OS9: variants seen among roughly 807,000 people sequenced by gnomAD.
OS9 encodes OS9 endoplasmic reticulum lectin, also known as protein OS-9.
OS9 carries 58 observed loss-of-function variants against 84.7 expected under a neutral mutation model. The ratio of observed to expected loss-of-function variants is 0.68; its 90% CI spans 0.55 to 0.85. The LOEUF (loss-of-function observed/expected upper bound fraction) is 0.85, where lower values mean the gene tolerates loss of function less well. OS9 is among the 40% of genes least tolerant of loss of function. OS9 has a pLI of 0.00. For synonymous variants in OS9, 278 were observed against 320.8 expected (o/e 0.87, Z 1.43); for missense variants, 760 against 850.9 (o/e 0.89, Z 1.33).
At chr12:57,700,950 A>AT (rs1260914823) in intron 5 of OS9, among the ~76,000 whole-genome samples, 2 of 152,204 alleles carry the variant, frequency 1.3e-5, no homozygotes, top group Non-Finnish European at 2.9e-5. Context: ...ATAGAGACCC[A>AT]TAAATTCACT....
At chr12:57,704,518 C>T (rs1405204228) in intron 5 of OS9, among the ~76,000 whole-genome samples, 2 of 149,656 alleles carry the variant, frequency 1.3e-5, no homozygotes, top group Non-Finnish European at 3.0e-5. Flanking sequence ...ACCTGGGTGA[C>T]AGAGCAAGAC....
Position 57,711,665 on chromosome 12 carries a change from C to T in OS9, c.580-4095C>T, listed in dbSNP as rs541921686. ...TGGCCCTTTTTTGTTTTTATAGCTG[C>T]ATAAAATTCCATTGTGTGTTCCATC... On this transcript the variant is annotated intron_variant, in intron 5 of 14. Transcript: ENST00000315970. 2.5e-4 allele frequency among the ~76,000 whole-genome samples: 38 copies of T among 152,302 alleles called. No homozygotes were observed. In the South Asian group the frequency reaches 7.9e-3, roughly 32 times the overall value.
At position 57,709,025 on chromosome 12, in the gene OS9, G is replaced by T. The variant is rs1259302651; in HGVS notation, c.580-6735G>T. The stretch of plus-strand genomic sequence containing the variant: ...GCATCAGAGAAAGAATGATTTCTTA[G>T]TGTGGTTTTAATTTGCATTTCTCTT... On this transcript the variant is annotated intron_variant, in intron 5 of 14. Coordinates refer to ENST00000315970, the MANE Select transcript of OS9 (RefSeq NM_006812.4). Among the ~76,000 whole-genome samples, 8 of 152,174 alleles carry T rather than the reference G, an allele frequency of 5.3e-5. No homozygotes were observed. The South Asian group carries it at 1.7e-3, about 32-fold the overall frequency.
chr12:57,697,908 AACACACACACACACATAC>A (rs1357823700), intron 5 of OS9, among the ~76,000 whole-genome samples: 21 of 75,238 alleles, frequency 2.8e-4, no homozygotes, highest in African/African-American at 9.9e-4. Flanking sequence ...AACATAAGCA[AACACACACACACACATAC>A]ACACACACAC....
intron 7 of OS9, 94 bp downstream of exon 7, chr12:57,716,287 G>GGGGGGGGGGGGGT: frequency 4.0e-6 from 3 of 745,064 alleles, no homozygotes; most frequent in South Asian, 1.5e-5. Flanking sequence ...GGTGGGGGGG[G>GGGGGGGGGGGGGT]GTGGAAAAGT....
intron 5 of OS9, among the ~76,000 whole-genome samples, chr12:57,704,012 C>T (rs1954097108): frequency 6.6e-6 from 1 of 152,128 alleles, no homozygotes; most frequent in South Asian, 2.1e-4. Context: ...TGTTTTTTTA[C>T]ATGAAAAGGT....
intron 1 of OS9, among the ~76,000 whole-genome samples, 196 bp from the exon 2 acceptor site, chr12:57,694,554 C>A (rs543423434): frequency 1.3e-5 from 2 of 152,094 alleles, no homozygotes; most frequent in Non-Finnish European, 2.9e-5. Flanking sequence ...AGTTTATGAT[C>A]GAAACACCCG....
At chr12:57,710,148 C>T (rs1484186402) in intron 5 of OS9, among the ~76,000 whole-genome samples, 1 of 152,204 alleles carries the variant, frequency 6.6e-6, no homozygotes, top group African/African-American at 2.4e-5. Context: ...CCACCCGCAC[C>T]TGGCTGTGGG....
intron 5 of OS9, among the ~76,000 whole-genome samples, chr12:57,703,297 C>A (rs1047009003): frequency 1.3e-5 from 2 of 151,900 alleles, no homozygotes; most frequent in Admixed American, 6.6e-5. Flanking sequence ...ATGGGGGTCT[C>A]GTTATGTTGC....
intron 5 of OS9, among the ~76,000 whole-genome samples, chr12:57,712,813 C>T (rs1032531176): frequency 6.6e-6 from 1 of 151,838 alleles, no homozygotes; most frequent in Non-Finnish European, 1.5e-5. Context: ...TCTCAGAGTG[C>T]ACGGTCTTGG....
At position 57,711,038 on chromosome 12, in the gene OS9, CAAAAAAA is replaced by C. The variant is rs35365273; in HGVS notation, c.580-4705_580-4699del. On this transcript the variant is annotated intron_variant, in intron 5 of 14. Coordinates refer to ENST00000315970, the MANE Select transcript of OS9 (RefSeq NM_006812.4). Reference sequence around the variant, plus strand: ...TGGGTGACTGAGCAAGACTCCGTCTCAAAAAAAAAAAAAAAAAAAAAAAGAGAAAAAT... The same window carrying C: ...TGGGTGACTGAGCAAGACTCCGTCTCAAAAAAAAAAAAAAAAGAGAAAAAT... Among the ~76,000 whole-genome samples, 5 of 71,916 alleles carry C rather than the reference CAAAAAAA, an allele frequency of 7.0e-5. No homozygotes were observed. The East Asian group carries it at 1.3e-3, about 19-fold the overall frequency. The allele number at this position is 71,916 out of a possible 152,430, so 47.2% of individuals were successfully genotyped here. A position where few individuals can be genotyped will look rare whatever the true frequency, so the allele number is the denominator to read the frequency against.
At chr12:57,701,422 C>T (rs949277325) in intron 5 of OS9, among the ~76,000 whole-genome samples, 10 of 151,696 alleles carry the variant, frequency 6.6e-5, no homozygotes, top group Non-Finnish European at 1.3e-4. Context: ...ACTATAGGTG[C>T]CCACCACCAC....
chr12:57,704,468 C>T (rs944741106), intron 5 of OS9, among the ~76,000 whole-genome samples: 2 of 151,756 alleles, frequency 1.3e-5, no homozygotes, highest in South Asian at 2.1e-4. Context: ...ACCTGGGAGA[C>T]GGAGGTTGCA....
In OS9 at chr12:57,696,364, C is replaced by A. The variant is rs200191525; in HGVS notation, c.570C>A (p.Ala190=). 5.9e-6 allele frequency: 9 copies of A among 1,517,024 alleles called. No homozygotes were observed. In the South Asian group the frequency reaches 8.9e-5, roughly 15 times the overall value. 94.0% of individuals were successfully genotyped at this position (1,517,024 alleles called of 1,614,324 possible). A position where few individuals can be genotyped will look rare whatever the true frequency, so the allele number is the denominator to read the frequency against. ...ACCTTAATGGGAGGCCCCGGGAGGC[C>A]GAGGTTCGGGTGAGTCTTGAGAGAG... ...KCDLNGRPRE[A]EVRFLCDEGA... Residue 190 remains alanine, a synonymous_variant, in exon 5 of 15, where the codon GCC becomes GCA. Coordinates refer to ENST00000315970, the MANE Select transcript of OS9 (RefSeq NM_006812.4).
intron 5 of OS9, among the ~76,000 whole-genome samples, chr12:57,697,293 A>G (rs1456921048): frequency 6.6e-6 from 1 of 152,224 alleles, no homozygotes; most frequent in Non-Finnish European, 1.5e-5. Flanking sequence ...CACACCTGTA[A>G]GTCTGCATCA....
At chr12:57,695,314 A>AT (rs1953792088) in intron 2 of OS9, among the ~76,000 whole-genome samples, 2 of 152,022 alleles carry the variant, frequency 1.3e-5, no homozygotes, top group Admixed American at 1.3e-4. Context: ...CAGTTTGTTT[A>AT]TTTTCGGTCT....
intron 4 of OS9, 117 bp downstream of exon 4, chr12:57,696,155 A>T: frequency 8.2e-7 from 1 of 1,226,822 alleles, no homozygotes; most frequent in Non-Finnish European, 1.2e-6. Flanking sequence ...GGCCATTAGG[A>T]CAAAGTTTCC....
chr12:57,707,803 A>T (rs573134868), intron 5 of OS9, among the ~76,000 whole-genome samples: 4 of 152,138 alleles, frequency 2.6e-5, no homozygotes, highest in Admixed American at 2.6e-4. Context: ...ACATTAAAAA[A>T]TTCTGGCCAG....
At chr12:57,713,442 T>A (rs1281874344) in intron 5 of OS9, among the ~76,000 whole-genome samples, 1 of 152,118 alleles carries the variant, frequency 6.6e-6, no homozygotes, top group East Asian at 1.9e-4. Flanking sequence ...GCATCTCCTT[T>A]TGTGAAACCT....
Sources: gnomAD v4.1 joint callset for allele counts (sites outside exome capture counted in the v4.1 genomes callset) on GRCh38, gnomAD v4.1.1 for gene constraint, MANE v1.5 for transcripts, NCBI Gene and HGNC (gene_info 2026-07-23, HGNC 2026-07-21) for gene names.